Variants in CSMD1 observed in about 807,000 individuals in gnomAD.
CSMD1 encodes the protein CUB and Sushi multiple domains 1, also known as CUB and sushi domain-containing protein 1.
Under a neutral mutation model 417.5 loss-of-function variants are expected in CSMD1, and 213 were observed. That is an observed-to-expected ratio of 0.51 (90% CI 0.46 to 0.57). The LOEUF is 0.57. Among genes scored for constraint, CSMD1 ranks in the 20% least tolerant of loss-of-function variants. CSMD1 has a pLI of 0.00. For synonymous variants in CSMD1, 2,862 were observed against 1,736.8 expected (o/e 1.65, Z -16.11); for missense variants, 6,923 against 4,529.7 (o/e 1.53, Z -15.17).
rs765713915 is a variant in CSMD1, at chr8:3,391,611, C to T, written c.2594-3929G>A. On this transcript the variant is annotated intron_variant, in intron 17 of 69. Transcript: ENST00000635120. ...AGACTGAGTGCATGAAGCAGAACTG[C>T]AATTCTAGGTTTGCTTTTACAAAAG... is the stretch of plus-strand genomic sequence containing the variant. 1.6e-4 allele frequency among the ~76,000 whole-genome samples: 25 copies of T among 152,264 alleles called. No homozygotes were observed. In the East Asian group the frequency reaches 2.1e-3, roughly 13 times the overall value.
intron 25 of CSMD1, among the ~76,000 whole-genome samples, chr8:3,294,806 C>G (rs572086030): frequency 3.7e-4 from 57 of 152,220 alleles, no homozygotes; most frequent in African/African-American, 1.3e-3. Flanking sequence ...CTTTGGCTCC[C>G]GCTTGGTGGG....
intron 5 of CSMD1, among the ~76,000 whole-genome samples, chr8:3,901,308 G>A (rs992882308): frequency 6.6e-6 from 1 of 152,066 alleles, no homozygotes; most frequent in Non-Finnish European, 1.5e-5. Context: ...CTGCATCAGT[G>A]ACACTCTTGC....
At chr8:4,095,421 G>A (rs1313501220) in intron 3 of CSMD1, among the ~76,000 whole-genome samples, 1 of 152,098 alleles carries the variant, frequency 6.6e-6, no homozygotes, top group Non-Finnish European at 1.5e-5. Flanking sequence ...TGACAATAGT[G>A]CAGCTAGTGA....
intron 1 of CSMD1, among the ~76,000 whole-genome samples, chr8:4,965,684 G>C (rs1809812950): frequency 1.3e-5 from 2 of 152,150 alleles, no homozygotes; most frequent in African/African-American, 4.8e-5. Context: ...CCATAAGGTT[G>C]GCTGGATGTT....
chr8:4,338,804 C>T (rs578041507), intron 3 of CSMD1, among the ~76,000 whole-genome samples: 91 of 152,118 alleles, frequency 6.0e-4, no homozygotes, highest in African/African-American at 2.2e-3. Flanking sequence ...TTTAATGTTG[C>T]AATTACTCTT....
chr8:4,425,702 C>T (rs1390959212), intron 2 of CSMD1, among the ~76,000 whole-genome samples: 1 of 152,242 alleles, frequency 6.6e-6, no homozygotes, highest in Non-Finnish European at 1.5e-5. Flanking sequence ...TTATTTTCAA[C>T]ACATAGTAAA....
intron 2 of CSMD1, among the ~76,000 whole-genome samples, chr8:4,463,720 A>G (rs901259539): frequency 6.6e-6 from 1 of 152,150 alleles, no homozygotes; most frequent in African/African-American, 2.4e-5. Context: ...ACGAAAATAA[A>G]TTAGTGTTTC....
At chr8:3,687,790 CT>C (rs1800019585) in intron 7 of CSMD1, among the ~76,000 whole-genome samples, 1 of 152,186 alleles carries the variant, frequency 6.6e-6, no homozygotes, top group Non-Finnish European at 1.5e-5. Flanking sequence ...AACACTTGAT[CT>C]TTGCTCCACT....
chr8:3,474,319 T>C (rs558906528), intron 11 of CSMD1, among the ~76,000 whole-genome samples: 1 of 152,230 alleles, frequency 6.6e-6, no homozygotes, highest in South Asian at 2.1e-4. Flanking sequence ...AACAATGCAA[T>C]AGCAAAGTGC....
chr8:4,276,066 T>C (rs1796469152), intron 3 of CSMD1, among the ~76,000 whole-genome samples: 1 of 152,286 alleles, frequency 6.6e-6, no homozygotes, highest in South Asian at 2.1e-4. Context: ...AGTGTGACGA[T>C]TCCTTAAGGA....
intron 23 of CSMD1, 50 bp downstream of exon 23, chr8:3,343,244 A>G (rs1377459943): frequency 6.7e-7 from 1 of 1,499,920 alleles, no homozygotes; most frequent in African/African-American, 1.4e-5. Flanking sequence ...AGTATCAGAT[A>G]TGTCCTGACA....
chr8:3,542,800 C>T (rs902857483), intron 10 of CSMD1, among the ~76,000 whole-genome samples: 1 of 152,182 alleles, frequency 6.6e-6, no homozygotes, highest in African/African-American at 2.4e-5. Flanking sequence ...GGATATCCTT[C>T]GATGCTTTAG....
chr8:4,256,087 G>A (rs946947409), intron 3 of CSMD1, among the ~76,000 whole-genome samples: 1 of 152,208 alleles, frequency 6.6e-6, no homozygotes, highest in Non-Finnish European at 1.5e-5. Flanking sequence ...GCAAACGTAG[G>A]TGAATCCCAG....
intron 11 of CSMD1, among the ~76,000 whole-genome samples, chr8:3,476,024 A>G (rs1817392963): frequency 6.6e-6 from 1 of 152,220 alleles, no homozygotes. Context: ...ATGGTTCAAT[A>G]GTTCTATTCT....
At position 3,929,947 on chromosome 8, in the gene CSMD1, G is replaced by A. The variant is rs142741050; in HGVS notation, c.818+67956C>T. 7.3e-5 allele frequency among the ~76,000 whole-genome samples: 11 copies of A among 150,348 alleles called. 1 individual carries two copies. The highest frequency in any genetic ancestry group is 1.5e-4 in the African/African-American group (6 of 40,806). On this transcript the variant is annotated intron_variant, in intron 5 of 69. Transcript: ENST00000635120. ...AAAGCGCTGGGATTACAGGCCTCAT[G>A]TGAGACACTGTGCACAGCCTATATG...
intron 1 of CSMD1, among the ~76,000 whole-genome samples, chr8:4,871,113 G>T (rs796066035): frequency 4.6e-5 from 7 of 152,260 alleles, no homozygotes; most frequent in African/African-American, 1.4e-4. Flanking sequence ...AGTAGCTGGG[G>T]CTGGGAGATA....
chr8:4,392,165 T>C (rs1377606648), intron 3 of CSMD1, among the ~76,000 whole-genome samples: 2 of 152,190 alleles, frequency 1.3e-5, no homozygotes, highest in Non-Finnish European at 2.9e-5. Context: ...GTCATGGGCA[T>C]TTTTGTTTCA....
intron 5 of CSMD1, among the ~76,000 whole-genome samples, chr8:3,798,893 T>C (rs1391587147): frequency 1.3e-5 from 2 of 152,080 alleles, no homozygotes; most frequent in Admixed American, 1.3e-4. Flanking sequence ...GTCAAGTTTA[T>C]AGGTGCAAAA....
At chr8:3,560,303 G>C (rs746570587) in intron 10 of CSMD1, among the ~76,000 whole-genome samples, 3 of 152,120 alleles carry the variant, frequency 2.0e-5, no homozygotes, top group East Asian at 3.9e-4. Context: ...ATTTCTCTGA[G>C]AAACACAGAA....
Sources: allele counts gnomAD v4.1 joint callset (sites outside exome capture counted in the v4.1 genomes callset), GRCh38; gene constraint gnomAD v4.1.1; transcripts MANE v1.5; gene names NCBI Gene and HGNC (gene_info 2026-07-23, HGNC 2026-07-21).